The following CTNNA3 variants were observed in gnomAD, a reference collection of about 807,000 sequenced individuals.
The protein encoded by CTNNA3 is catenin alpha-3.
In CTNNA3, 76 loss-of-function variants were observed where a neutral mutation model predicts 95.7. That is an observed-to-expected ratio of 0.79 (90% CI 0.66 to 0.96). CTNNA3 has a LOEUF of 0.96. Ranked by LOEUF, CTNNA3 falls within the 40% of genes least tolerant of loss-of-function variation. CTNNA3 has a pLI of 0.00. For synonymous variants in CTNNA3, 431 were observed against 374.4 expected (o/e 1.15, Z -1.74); for missense variants, 1,191 against 1,089.8 (o/e 1.09, Z -1.31).
chr10:67,732,444 G>C (rs1841280591), intron 1 of CTNNA3, among the ~76,000 whole-genome samples: 1 of 152,116 alleles, frequency 6.6e-6, no homozygotes, highest in Non-Finnish European at 1.5e-5. Context: ...TTATCTTCTT[G>C]ATAAGTAAAA....
At chr10:67,508,660 T>A (rs1688356605) in intron 5 of CTNNA3, among the ~76,000 whole-genome samples, 1 of 152,042 alleles carries the variant, frequency 6.6e-6, no homozygotes, top group Non-Finnish European at 1.5e-5. Context: ...ATAAGTGAAA[T>A]TATATCAAAC....
intron 17 of CTNNA3, among the ~76,000 whole-genome samples, chr10:65,953,053 G>A (rs2077651256): frequency 6.6e-6 from 1 of 152,174 alleles, no homozygotes; most frequent in South Asian, 2.1e-4. Flanking sequence ...ACATTCTAAT[G>A]AATTGATTTT....
chr10:66,707,233 T>A (rs868415539), intron 9 of CTNNA3, among the ~76,000 whole-genome samples: 2 of 152,156 alleles, frequency 1.3e-5, no homozygotes, highest in African/African-American at 4.8e-5. Context: ...TTAGATAATC[T>A]TATTAATATC....
At chr10:67,504,176 G>T (rs1276324407) in intron 5 of CTNNA3, among the ~76,000 whole-genome samples, 2 of 142,764 alleles carry the variant, frequency 1.4e-5, no homozygotes, top group Non-Finnish European at 1.5e-5. Flanking sequence ...AAAACAGGTC[G>T]GTGCCAAGGC....
chr10:67,302,046 AG>A, intron 5 of CTNNA3, among the ~76,000 whole-genome samples: 2 of 91,718 alleles, frequency 2.2e-5, no homozygotes, highest in Middle Eastern at 4.7e-3. Context: ...AAAGAAAGAA[AG>A]AAAGAAAGAA....
Position 67,452,071 on chromosome 10 carries a change from G to C in CTNNA3, c.579+69771C>G, listed in dbSNP as rs558434165. Among the ~76,000 whole-genome samples the C allele has an allele frequency of 2.0e-5, 3 of 150,430 alleles. No individual in the cohort carries two copies. In the South Asian group the frequency reaches 6.3e-4, roughly 32 times the overall value. On this transcript the variant is annotated intron_variant, in intron 5 of 17. Coordinates refer to ENST00000433211, the MANE Select transcript of CTNNA3 (RefSeq NM_013266.4). ...GGAGGGAGGGAGGAATGGAAGGAAGGAAGGAAGGAAGGAAGGAAGGAAGGA... is the reference window on the plus strand; with the variant it reads ...GGAGGGAGGGAGGAATGGAAGGAAGCAAGGAAGGAAGGAAGGAAGGAAGGA...
intron 6 of CTNNA3, among the ~76,000 whole-genome samples, chr10:67,184,517 A>G (rs1308561431): frequency 6.6e-6 from 1 of 152,166 alleles, no homozygotes; most frequent in African/African-American, 2.4e-5. Flanking sequence ...TTTAGTCAGA[A>G]CTGTATAAGC....
chr10:67,012,379 C>T (rs1852394658), intron 7 of CTNNA3: 1 of 152,100 alleles, frequency 6.6e-6, no homozygotes, highest in Non-Finnish European at 1.5e-5. Context: ...GTATCTTCTC[C>T]CCTTTTCCCT....
intron 13 of CTNNA3, among the ~76,000 whole-genome samples, chr10:66,198,472 A>G (rs2087106264): frequency 6.6e-6 from 1 of 152,200 alleles, no homozygotes; most frequent in Non-Finnish European, 1.5e-5. Flanking sequence ...AAATAAAAAC[A>G]TAGATGAGTA....
chr10:66,016,459 C>G (rs2079098365), intron 15 of CTNNA3, among the ~76,000 whole-genome samples: 2 of 152,172 alleles, frequency 1.3e-5, no homozygotes, highest in Non-Finnish European at 2.9e-5. Flanking sequence ...AATAATCTAT[C>G]TATCCCAGAG....
At chr10:67,373,506 A>G (rs1193052399) in intron 5 of CTNNA3, among the ~76,000 whole-genome samples, 1 of 152,158 alleles carries the variant, frequency 6.6e-6, no homozygotes, top group Non-Finnish European at 1.5e-5. Context: ...AGAGACTTAG[A>G]CTCCCACACA....
chr10:67,467,796 G>A (rs1304634898), intron 5 of CTNNA3, among the ~76,000 whole-genome samples: 1 of 151,730 alleles, frequency 6.6e-6, no homozygotes. Flanking sequence ...CTGCAGCCTC[G>A]ACCTCCTGGG....
chr10:67,001,248 C>T (rs1851668899), intron 7 of CTNNA3, among the ~76,000 whole-genome samples: 1 of 149,174 alleles, frequency 6.7e-6, no homozygotes, highest in Non-Finnish European at 1.5e-5. Context: ...TTGCAGTGAG[C>T]CGAGATGGAG....
chr10:65,945,868 T>A (rs2077508955), intron 17 of CTNNA3, among the ~76,000 whole-genome samples: 1 of 152,188 alleles, frequency 6.6e-6, no homozygotes, highest in South Asian at 2.1e-4. Flanking sequence ...GTGGTTACCA[T>A]TACTCTTACC....
At chr10:66,391,097 G>A (rs1461804482) in intron 11 of CTNNA3, among the ~76,000 whole-genome samples, 1 of 152,030 alleles carries the variant, frequency 6.6e-6, no homozygotes, top group Non-Finnish European at 1.5e-5. Flanking sequence ...TTTTACAAAA[G>A]TTTTGTTAAA....
At chr10:67,595,992 C>T (rs1420703298) in intron 3 of CTNNA3, among the ~76,000 whole-genome samples, 2 of 152,156 alleles carry the variant, frequency 1.3e-5, no homozygotes, top group South Asian at 4.1e-4. Context: ...AATCTTTCTC[C>T]ATCCCTTTAT....
chr10:66,599,535 A>G (rs947550253), intron 10 of CTNNA3, among the ~76,000 whole-genome samples: 2 of 151,950 alleles, frequency 1.3e-5, no homozygotes, highest in Non-Finnish European at 2.9e-5. Context: ...CCCATGAAAT[A>G]TTTCTTGTTA....
chr10:66,879,472 C>T lies in CTNNA3; in HGVS notation c.1048-103948G>A, dbSNP rs148308122. Among the ~76,000 whole-genome samples the T allele has an allele frequency of 2.9e-3, 435 of 152,190 alleles. 1 individual carries two copies. Among genetic ancestry groups the T allele is most frequent in the African/African-American group, 9.9e-3 (413 of 41,542 alleles). ...ATAAAGCAAATTAAGAATACCTAGT[C>T]AATCATTCAGGCATCTATTCTCAAT... On this transcript the variant is annotated intron_variant, in intron 7 of 17. Transcript: ENST00000433211.
chr10:66,346,246 T>TATATATATATATAGAG (rs1416945569), intron 12 of CTNNA3, among the ~76,000 whole-genome samples: 6 of 27,788 alleles, frequency 2.2e-4, no homozygotes, highest in Non-Finnish European at 3.0e-4. Flanking sequence ...TATATATATA[T>TATATATATATATAGAG]AGAGAGAGAG....
Sources: allele counts gnomAD v4.1 joint callset (sites outside exome capture counted in the v4.1 genomes callset), GRCh38; gene constraint gnomAD v4.1.1; transcripts MANE v1.5; gene names NCBI Gene and HGNC (gene_info 2026-07-23, HGNC 2026-07-21).